SHANK2: variants seen among roughly 807,000 people sequenced by gnomAD.
The protein encoded by SHANK2 is SH3 and multiple ankyrin repeat domains 2, also known as SH3 and multiple ankyrin repeat domains protein 2.
In SHANK2, 43 loss-of-function variants were observed where a neutral mutation model predicts 133.7. The observed-to-expected ratio is 0.32, with a 90% CI of 0.25 to 0.41. SHANK2 has a LOEUF of 0.41. SHANK2 is among the 10% of genes least tolerant of loss of function. The probability of loss-of-function intolerance (pLI) is 1.00; values close to 1 mark genes in which losing one functional copy is unlikely to be tolerated. For missense variants in SHANK2, 1,994 were observed against 2,235.8 expected (o/e 0.89, Z 2.18); for synonymous variants, 1,017 against 952.8 (o/e 1.07, Z -1.24).
intron 10 of SHANK2, among the ~76,000 whole-genome samples, chr11:70,947,181 A>G (rs980347454): frequency 8.6e-6 from 1 of 116,608 alleles, no homozygotes; most frequent in Non-Finnish European, 1.9e-5. Context: ...ACACACACAC[A>G]CACACACTCG....
In SHANK2 at chr11:70,830,003, C is replaced by T. The variant is rs1036624527; in HGVS notation, c.1175-9321G>A. Among the ~76,000 whole-genome samples the T allele has an allele frequency of 2.0e-5, 3 of 152,174 alleles. No homozygotes were observed. Among genetic ancestry groups the T allele is most frequent in the Non-Finnish European group, 4.4e-5 (3 of 68,032 alleles). On this transcript the variant is annotated intron_variant, in intron 11 of 25. Coordinates refer to ENST00000601538, the MANE Select transcript of SHANK2 (RefSeq NM_012309.5). The surrounding 1 kb of genome is among the most constrained non-coding windows in gnomAD (Gnocchi z 4.4). ...GCACAGGGGTTCTCACTGTCAGACG[C>T]GGGCAGCAGCCTGTAAGAGCCTCCT...
chr11:70,856,612 C>T (rs1555066851), intron 11 of SHANK2, among the ~76,000 whole-genome samples: 1 of 152,104 alleles, frequency 6.6e-6, no homozygotes, highest in East Asian at 1.9e-4. Context: ...TAAAGGCAAC[C>T]TTCCCCTCTT....
intron 17 of SHANK2, among the ~76,000 whole-genome samples, chr11:70,636,879 C>A (rs1299130085): frequency 6.6e-6 from 1 of 151,812 alleles, no homozygotes; most frequent in Non-Finnish European, 1.5e-5. Flanking sequence ...TGTGTGTGCA[C>A]ATGGTAGCAT....
At chr11:70,692,562 A>T (rs766994083) in intron 15 of SHANK2, among the ~76,000 whole-genome samples, 2 of 152,192 alleles carry the variant, frequency 1.3e-5, no homozygotes, top group Non-Finnish European at 2.9e-5. Flanking sequence ...ACATGCATAT[A>T]TGCTTCTATT....
intron 14 of SHANK2, among the ~76,000 whole-genome samples, chr11:70,784,351 T>TG (rs1947595224): frequency 8.1e-6 from 1 of 123,768 alleles, no homozygotes; most frequent in Non-Finnish European, 1.6e-5. Context: ...TAGTTTTTTT[T>TG]TTTTTTTTTT....
chr11:71,229,765 G>GAAAAAAAAAAAAAAAGAAAAA (rs1954708464), intron 1 of SHANK2, among the ~76,000 whole-genome samples: 1 of 116,536 alleles, frequency 8.6e-6, no homozygotes, highest in African/African-American at 3.0e-5. Flanking sequence ...TCTCAAAAAA[G>GAAAAAAAAAAAAAAAGAAAAA]AAAAAAAAAA....
intron 17 of SHANK2, among the ~76,000 whole-genome samples, chr11:70,617,109 G>T (rs2060755339): frequency 6.6e-6 from 1 of 151,988 alleles, no homozygotes; most frequent in Non-Finnish European, 1.5e-5. Flanking sequence ...GTGTATGTGT[G>T]TGAGTGTGAC....
chr11:70,495,332 G>T (rs1270361675), intron 21 of SHANK2, among the ~76,000 whole-genome samples: 3 of 152,214 alleles, frequency 2.0e-5, no homozygotes, highest in African/African-American at 7.2e-5. Flanking sequence ...GGGTCGAATT[G>T]GTTTCTGTGC....
rs906384558 is a variant in SHANK2 at position 71,090,111 on chromosome 11, G to C, written c.912+2311C>G. Among the ~76,000 whole-genome samples, 533 of 148,936 alleles carry C rather than the reference G, an allele frequency of 3.6e-3. 3 individuals carry two copies. The highest frequency in any genetic ancestry group is 0.013 in the African/African-American group (518 of 40,408). ...AACGTGTGTGTGTGTGTGTGTGTGT[G>C]TGTATCCTGCTGCTTCTACATTCAG... On this transcript the variant is annotated intron_variant, in intron 8 of 25. Coordinates refer to ENST00000601538, the MANE Select transcript of SHANK2 (RefSeq NM_012309.5).
chr11:70,863,524 C>A (rs1346552091), intron 11 of SHANK2: 1 of 458,010 alleles, frequency 2.2e-6, no homozygotes. Context: ...CACCTGCTCC[C>A]ATGCAAATCC....
chr11:70,882,401 G>T lies in SHANK2; in HGVS notation c.1174+14100C>A, dbSNP rs529645153. On this transcript the variant is annotated intron_variant, in intron 11 of 25. Transcript: ENST00000601538. The surrounding 1 kb of genome is among the most constrained non-coding windows in gnomAD (Gnocchi z 4.2). ...CCAGTTCTATAGCCTACAAGCAAGG[G>T]ATTTAATACATATCTCAGAGTGATG... Among the ~76,000 whole-genome samples, 1 of 152,298 alleles carries T rather than the reference G, an allele frequency of 6.6e-6. No individual in the cohort carries two copies. Among genetic ancestry groups the T allele is most frequent in the South Asian group, 2.1e-4 (1 of 4,820 alleles).
At chr11:70,666,729 C>T (rs1944685083) in intron 15 of SHANK2, among the ~76,000 whole-genome samples, 1 of 152,210 alleles carries the variant, frequency 6.6e-6, no homozygotes, top group Admixed American at 6.5e-5. Context: ...CAGCCTTCTC[C>T]AAGCCCGTCT....
intron 14 of SHANK2, among the ~76,000 whole-genome samples, chr11:70,750,159 A>C (rs1235953879): frequency 6.6e-6 from 1 of 152,204 alleles, no homozygotes; most frequent in African/African-American, 2.4e-5. Context: ...ACCACTAAAG[A>C]AGCTGTGAGT....
chr11:70,490,132 T>G (rs1458427641), intron 23 of SHANK2, 144 bp downstream of exon 23: 1 of 693,318 alleles, frequency 1.4e-6, no homozygotes, highest in Non-Finnish European at 2.6e-6. Flanking sequence ...GTTCCCACCC[T>G]CTGGTGGGTG....
At chr11:70,798,652 A>C (rs1947974257) in intron 13 of SHANK2, 96 bp from the exon 14 acceptor site, 1 of 682,722 alleles carries the variant, frequency 1.5e-6, no homozygotes, top group African/African-American at 1.8e-5. Context: ...CAGGAGAATC[A>C]GCGCACCCCT....
intron 14 of SHANK2, among the ~76,000 whole-genome samples, chr11:70,783,052 T>C (rs1565312740): frequency 6.6e-6 from 1 of 152,102 alleles, no homozygotes; most frequent in Non-Finnish European, 1.5e-5. Flanking sequence ...AGCACAGTGC[T>C]CTTCTCTGTC....
intron 8 of SHANK2, among the ~76,000 whole-genome samples, chr11:71,078,009 C>T (rs1379107691): frequency 1.3e-5 from 2 of 152,088 alleles, no homozygotes; most frequent in African/African-American, 4.8e-5. Context: ...GGACCAGCAA[C>T]AGCCCAGCAG....
chr11:70,797,716 G>A (rs1250144736), intron 14 of SHANK2, among the ~76,000 whole-genome samples: 1 of 152,136 alleles, frequency 6.6e-6, no homozygotes, highest in Non-Finnish European at 1.5e-5. Context: ...CAGCGTCCGT[G>A]GCCACTTGAC....
chr11:71,149,206 A>G (rs1952712634), intron 2 of SHANK2, among the ~76,000 whole-genome samples: 1 of 152,180 alleles, frequency 6.6e-6, no homozygotes, highest in Non-Finnish European at 1.5e-5. Flanking sequence ...GATGGAGGAA[A>G]AGCAGGTGCG....
Sources: allele counts gnomAD v4.1 joint callset (sites outside exome capture counted in the v4.1 genomes callset), GRCh38; gene constraint gnomAD v4.1.1; non-coding constraint Gnocchi (gnomAD v3.1); transcripts MANE v1.5; gene names NCBI Gene and HGNC (gene_info 2026-07-23, HGNC 2026-07-21).